Variants in COL12A1 observed in about 807,000 individuals in gnomAD.
The protein encoded by COL12A1 is collagen alpha-1(XII) chain.
In COL12A1, 114 loss-of-function variants were observed where a neutral mutation model predicts 349.7. That is an observed-to-expected ratio of 0.33 (90% CI 0.28 to 0.38). The LOEUF (loss-of-function observed/expected upper bound fraction) is 0.38, where lower values mean the gene tolerates loss of function less well. Among genes scored for constraint, COL12A1 ranks in the 10% least tolerant of loss-of-function variants. COL12A1 has a pLI of 1.00. For synonymous variants in COL12A1, 1,369 were observed against 1,329.0 expected, an observed-to-expected ratio of 1.03 and a Z score of -0.66; for missense variants, 3,284 against 3,756.9, an observed-to-expected ratio of 0.87 and a Z score of 3.29.
chr6:75,146,740 T>C (rs1767212597), intron 23 of COL12A1, among the ~76,000 whole-genome samples: 1 of 152,186 alleles, frequency 6.6e-6, no homozygotes, highest in Admixed American at 6.6e-5. Context: ...AGGAAAAAGT[T>C]TACAATCTCC....
intron 51 of COL12A1, among the ~76,000 whole-genome samples, chr6:75,112,026 G>C (rs1768863815): frequency 6.6e-6 from 1 of 151,778 alleles, no homozygotes; most frequent in Non-Finnish European, 1.5e-5. Context: ...TTGAGAATCA[G>C]CTTGAACTGG....
At chr6:75,125,776 C>T (rs898726199) in intron 39 of COL12A1, among the ~76,000 whole-genome samples, 2 of 152,112 alleles carry the variant, frequency 1.3e-5, no homozygotes, top group African/African-American at 4.8e-5. Context: ...TGCCATCTCT[C>T]TTTCATGTTT....
Position 75,121,348 on chromosome 6 carries a change from A to C in COL12A1, c.7040T>G (p.Phe2347Cys). Residue 2347 changes from phenylalanine to cysteine, a missense_variant, in exon 44 of 66, where the codon TTC becomes TGC. Transcript: ENST00000322507. Reference sequence around the variant, plus strand: ...TTCATCAAAGCCTCCCACAGTATTGAAGATGAATTTTACAACTTTGTTAAA... The same window carrying C: ...TTCATCAAAGCCTCCCACAGTATTGCAGATGAATTTTACAACTTTGTTAAA... ...DNFNKVVKFI[F>C]NTVGGFDEIS... is the part of the protein sequence containing the mutation. 6.2e-7 allele frequency: 1 copy of C among 1,612,368 alleles called. No individual in the cohort carries two copies. The highest frequency in any genetic ancestry group is 8.5e-7 in the Non-Finnish European group (1 of 1,178,800).
chr6:75,111,318 A>C (rs554460776), intron 51 of COL12A1, among the ~76,000 whole-genome samples: 1 of 152,072 alleles, frequency 6.6e-6, no homozygotes, highest in African/African-American at 2.4e-5. Flanking sequence ...AGGAGAAAAA[A>C]TAGGCATTAT....
At chr6:75,195,522 AT>A (rs1770176293) in intron 2 of COL12A1, among the ~76,000 whole-genome samples, 1 of 152,162 alleles carries the variant, frequency 6.6e-6, no homozygotes, top group African/African-American at 2.4e-5. Flanking sequence ...TGAAAAATAT[AT>A]TTTAATGAAA....
Position 75,134,821 on chromosome 6 carries a change from A to G in COL12A1, c.5429T>C (p.Leu1810Pro). The G allele has an allele frequency of 6.2e-7, 1 of 1,612,858 alleles. No homozygotes were observed. The highest frequency in any genetic ancestry group is 1.1e-5 in the South Asian group (1 of 90,906). Residue 1810 changes from leucine (L) to proline (P), a missense_variant, in exon 32 of 66, where the codon CTG (leucine) becomes CCG (proline). By Grantham distance (98) the Leu-to-Pro change is moderately conservative (BLOSUM62 -3). Coordinates refer to ENST00000322507, the MANE Select transcript of COL12A1 (RefSeq NM_004370.6). ...TIGGRQNSVV[L>P]QKLKPDTPYT... ...AGGAGTGTCTGGCTTCAGTTTCTGC[A>G]GGACCACACTGTTCTGCCGTCCTCC...
chr6:75,195,252 A>G (rs1770159737), intron 2 of COL12A1, among the ~76,000 whole-genome samples: 1 of 152,194 alleles, frequency 6.6e-6, no homozygotes, highest in Non-Finnish European at 1.5e-5. Flanking sequence ...ATACAAGTAC[A>G]ATGAAATCAC....
At chr6:75,093,408 C>CA (rs1449131326) in intron 60 of COL12A1, among the ~76,000 whole-genome samples, 2 of 152,084 alleles carry the variant, frequency 1.3e-5, no homozygotes, top group Non-Finnish European at 2.9e-5. Flanking sequence ...CATAAGCTAA[C>CA]AATGATTAAG....
At chr6:75,103,366 C>T (rs565631154) in intron 55 of COL12A1, among the ~76,000 whole-genome samples, 1,823 of 152,284 alleles carry the variant, frequency 0.012, 36 homozygotes, top group African/African-American at 0.04. Flanking sequence ...AGCACATACG[C>T]AGCCACTCAG....
At chr6:75,155,387 G>A (rs1486738052) in intron 16 of COL12A1, among the ~76,000 whole-genome samples, 1 of 152,104 alleles carries the variant, frequency 6.6e-6, no homozygotes, top group East Asian at 1.9e-4. Context: ...GGGTGTTATT[G>A]AAAACACCAA....
chr6:75,154,348 C>T, intron 17 of COL12A1, 68 bp downstream of exon 17: 2 of 1,538,348 alleles, frequency 1.3e-6, no homozygotes, highest in South Asian at 2.4e-5. Context: ...TGTATGATAC[C>T]CTAACAGTTC....
intron 51 of COL12A1, among the ~76,000 whole-genome samples, chr6:75,110,454 G>T (rs896782403): frequency 6.6e-6 from 1 of 152,022 alleles, no homozygotes; most frequent in East Asian, 1.9e-4. Context: ...TTACATTTCA[G>T]ATTGGGCCCT....
rs1156452123 is a variant in COL12A1 at position 75,174,986 on chromosome 6, G to A, written c.2710+52C>T. On this transcript the variant is annotated intron_variant, in intron 13 of 65. Transcript: ENST00000322507. ...CTGAAGACATTTTAAGCTTCCTAGA[G>A]GCAGCACCACAAACAAGTTCCTGGA... 4.4e-6 allele frequency: 7 copies of A among 1,594,186 alleles called. No homozygotes were observed. In the East Asian group the frequency reaches 1.1e-4, roughly 25 times the overall value.
intron 12 of COL12A1, among the ~76,000 whole-genome samples, chr6:75,177,334 G>A (rs181467405): frequency 1.1e-3 from 161 of 152,132 alleles, no homozygotes; most frequent in African/African-American, 3.7e-3. Flanking sequence ...CTATTTGGGA[G>A]GCTGAATCAG....
At chr6:75,095,533 C>A (rs1487568299) in intron 59 of COL12A1, among the ~76,000 whole-genome samples, 1 of 146,926 alleles carries the variant, frequency 6.8e-6, no homozygotes, top group Admixed American at 6.9e-5. Context: ...AGGAGAATGG[C>A]GTGAACCCAG....
Position 75,177,701 on chromosome 6 carries a change from G to A in COL12A1, c.2399C>T (p.Pro800Leu). 1 of 1,614,040 alleles carries A rather than the reference G, an allele frequency of 6.2e-7. No homozygotes were observed. The highest frequency in any genetic ancestry group is 2.2e-5 in the East Asian group (1 of 44,852). Residue 800 changes from proline to leucine, a missense_variant, in exon 12 of 66, where the codon CCT (proline) becomes CTT (leucine). By Grantham distance (98) the Pro-to-Leu change is moderately conservative. Coordinates refer to ENST00000322507, the MANE Select transcript of COL12A1 (RefSeq NM_004370.6). ...TGCATTTCCAGTTAATGGAGTACCA[G>A]GTCCTGAGAAATATTCAGGAATTAC... The part of the protein sequence containing the change: ...VSVIPEYFSG[P>L]GTPLTGNAAT...
intron 49 of COL12A1, among the ~76,000 whole-genome samples, chr6:75,114,664 A>G (rs961691041): frequency 6.6e-6 from 1 of 152,060 alleles, no homozygotes; most frequent in East Asian, 1.9e-4. Flanking sequence ...CACTAATGCC[A>G]TCTTGCTTTT....
At chr6:75,203,944 C>G (rs1770652008) in intron 1 of COL12A1, among the ~76,000 whole-genome samples, 1 of 152,148 alleles carries the variant, frequency 6.6e-6, no homozygotes, top group Non-Finnish European at 1.5e-5. Context: ...AGCCAAAGGT[C>G]GAGGCCTCTT....
chr6:75,146,099 C>T lies in COL12A1; in HGVS notation c.4560+3G>A. The T allele has an allele frequency of 6.3e-7, 1 of 1,588,386 alleles. No homozygotes were observed. Among genetic ancestry groups the T allele is most frequent in the Non-Finnish European group, 8.5e-7 (1 of 1,169,824 alleles). On this transcript the variant is annotated splice_donor_region_variant and intron_variant, in intron 24 of 65. Coordinates refer to ENST00000322507, the MANE Select transcript of COL12A1 (RefSeq NM_004370.6). ...CAATGTTAAAGAAACAAACATCTTTCACCTCTTTGGGTCTTGTTGGCTCTG... is the reference window on the plus strand; with the variant it reads ...CAATGTTAAAGAAACAAACATCTTTTACCTCTTTGGGTCTTGTTGGCTCTG...
Sources: gnomAD v4.1 joint callset for allele counts (sites outside exome capture counted in the v4.1 genomes callset) on GRCh38, gnomAD v4.1.1 for gene constraint, MANE v1.5 for transcripts, NCBI Gene and HGNC (gene_info 2026-07-23, HGNC 2026-07-21) for gene names.